The following COL24A1 variants were observed in gnomAD, a reference collection of about 807,000 sequenced individuals.
COL24A1 encodes the protein collagen alpha-1(XXIV) chain.
Under a neutral mutation model 253.9 loss-of-function variants are expected in COL24A1, and 224 were observed. The ratio of observed to expected loss-of-function variants is 0.88; its 90% confidence interval spans 0.79 to 0.99. The LOEUF (loss-of-function observed/expected upper bound fraction) is 0.99. COL24A1 is among the 50% of genes least tolerant of loss of function. The pLI, the probability that COL24A1 is intolerant of heterozygous loss-of-function variation, is 0.00. For missense variants in COL24A1, 2,131 were observed against 2,068.5 expected (o/e 1.03, Z -0.59); for synonymous variants, 685 against 673.7 (o/e 1.02, Z -0.26).
At chr1:85,761,712 A>G (rs1666868458) in intron 53 of COL24A1, 146 bp from the exon 54 acceptor site, 3 of 713,956 alleles carry the variant, frequency 4.2e-6, no homozygotes, top group Non-Finnish European at 7.3e-6. Context: ...CTAAAGTTAT[A>G]TGCTGTGGTA....
chr1:85,749,850 ATGAG>A (rs1424464770), intron 55 of COL24A1, among the ~76,000 whole-genome samples: 1 of 9,764 alleles, frequency 1.0e-4, no homozygotes. Context: ...ACAAAAAGAA[ATGAG>A]CAAAGCCTCC....
At chr1:85,764,667 G>A (rs1667184056) in intron 53 of COL24A1, among the ~76,000 whole-genome samples, 1 of 152,080 alleles carries the variant, frequency 6.6e-6, no homozygotes, top group South Asian at 2.1e-4. Context: ...TTGGACCTCA[G>A]ATATCTAAAT....
In COL24A1 at chr1:85,829,732, G is replaced by A. The variant is rs934156031; in HGVS notation, c.3682-5994C>T. Among the ~76,000 whole-genome samples, 13 of 152,102 alleles carry A rather than the reference G, an allele frequency of 8.5e-5. No homozygotes were observed. The South Asian group carries it at 1.0e-3, about 12-fold the overall frequency. ...GATCGCATGGCCTCCTGAGGCTTCTGCATTCTTCACGTAGTTCTCGAGCCT... is the reference window on the plus strand; with the variant it reads ...GATCGCATGGCCTCCTGAGGCTTCTACATTCTTCACGTAGTTCTCGAGCCT... On this transcript the variant is annotated intron_variant, in intron 43 of 59. Transcript: ENST00000370571.
intron 24 of COL24A1, among the ~76,000 whole-genome samples, chr1:85,927,181 C>A (rs1429587436): frequency 1.3e-5 from 2 of 152,180 alleles, no homozygotes; most frequent in African/African-American, 4.8e-5. Flanking sequence ...GGGTTCATCT[C>A]ACTAGGGAGT....
At chr1:85,868,706 A>G in intron 36 of COL24A1, 76 bp downstream of exon 36, 1 of 1,449,228 alleles carries the variant, frequency 6.9e-7, no homozygotes, top group Non-Finnish European at 9.5e-7. Flanking sequence ...TTTGTCACAC[A>G]AAAACAATGA....
chr1:86,116,123 T>C (rs1177958218), intron 3 of COL24A1, among the ~76,000 whole-genome samples: 1 of 152,208 alleles, frequency 6.6e-6, no homozygotes, highest in East Asian at 1.9e-4. Flanking sequence ...AATGCTCATT[T>C]GTGATATGGT....
chr1:86,066,231 C>CTTTTTTTTT (rs71078637), intron 7 of COL24A1, among the ~76,000 whole-genome samples: 2 of 85,540 alleles, frequency 2.3e-5, no homozygotes, highest in Admixed American at 1.6e-4. Flanking sequence ...CCTAAGTCTC[C>CTTTTTTTTT]TTTTTTTTTT....
intron 55 of COL24A1, among the ~76,000 whole-genome samples, chr1:85,759,987 A>C (rs1452542407): frequency 6.6e-6 from 1 of 152,186 alleles, no homozygotes; most frequent in Non-Finnish European, 1.5e-5. Context: ...TAATCCATGC[A>C]TTGTGGGGAT....
intron 20 of COL24A1, among the ~76,000 whole-genome samples, chr1:85,984,157 G>A (rs916220258): frequency 6.6e-6 from 1 of 151,772 alleles, no homozygotes; most frequent in Admixed American, 6.6e-5. Context: ...TAGGTCAGTT[G>A]GCTTTCTTCA....
chr1:85,806,330 A>C (rs1289134629), intron 47 of COL24A1, among the ~76,000 whole-genome samples: 1 of 152,204 alleles, frequency 6.6e-6, no homozygotes, highest in East Asian at 1.9e-4. Context: ...TGCCCACTAC[A>C]TATAAGAACA....
intron 24 of COL24A1, among the ~76,000 whole-genome samples, chr1:85,947,306 G>C (rs2103254479): frequency 6.6e-6 from 1 of 152,254 alleles, no homozygotes; most frequent in South Asian, 2.1e-4. Flanking sequence ...TGCCAGGAAT[G>C]TGTCAGATAA....
At chr1:86,073,189 G>T (rs892274782) in intron 7 of COL24A1, among the ~76,000 whole-genome samples, 2 of 152,142 alleles carry the variant, frequency 1.3e-5, no homozygotes, top group African/African-American at 4.8e-5. Flanking sequence ...AGCTAAAGGA[G>T]CATGTTCTAA....
At chr1:86,017,476 TTA>T (rs1427516825) in intron 18 of COL24A1, among the ~76,000 whole-genome samples, 1 of 152,166 alleles carries the variant, frequency 6.6e-6, no homozygotes, top group Non-Finnish European at 1.5e-5. Flanking sequence ...AATTGTATGT[TTA>T]TATGTGTTTC....
Position 86,112,445 on chromosome 1 carries a change from T to C in COL24A1, c.1599+122A>G, listed in dbSNP as rs998138893. 7.9e-6 allele frequency: 6 copies of C among 758,000 alleles called. No individual in the cohort carries two copies. In the African/African-American group the frequency reaches 1.0e-4, roughly 13 times the overall value. The allele number at this position is 758,000 out of a possible 1,614,324, so 47.0% of individuals were successfully genotyped here. A position where few individuals can be genotyped will look rare whatever the true frequency, so the allele number is the denominator to read the frequency against. ...ACAATCATGTTGAAGAATCATGCTC[T>C]GGAGGTGACAGAGATCCTTGATGTA... is the stretch of plus-strand genomic sequence containing the variant. On this transcript the variant is annotated intron_variant, in intron 5 of 59. Transcript: ENST00000370571.
intron 52 of COL24A1, among the ~76,000 whole-genome samples, chr1:85,777,439 TG>T (rs1207099065): frequency 6.6e-6 from 1 of 152,162 alleles, no homozygotes; most frequent in Non-Finnish European, 1.5e-5. Flanking sequence ...TACTCTTCTA[TG>T]CATCGCACTT....
intron 55 of COL24A1, among the ~76,000 whole-genome samples, chr1:85,755,732 G>C (rs1666169277): frequency 2.0e-5 from 3 of 152,024 alleles, no homozygotes; most frequent in African/African-American, 7.2e-5. Context: ...CTTACATCAT[G>C]AGTTATACCA....
rs1387879258 is a variant in COL24A1 at position 86,022,256 on chromosome 1, C to T, written c.2240G>A (p.Gly747Glu). Reference protein sequence around the residue: ...VGLPGPPGMRGKSGPSGQTGD... With the variant: ...VGLPGPPGMREKSGPSGQTGD... ...CAAACCTACTGAAGGCCCTGACTTT[C>T]CTCTCATCCCTGGTGGTCCTGGTAA... is the stretch of plus-strand genomic sequence containing the variant. Residue 747 changes from glycine (G) to glutamate (E), a missense_variant, in exon 18 of 60, where the codon GGA (glycine) becomes GAA (glutamate). By Grantham distance (98) the Gly-to-Glu change is moderately conservative (BLOSUM62 -2). Coordinates refer to ENST00000370571, the MANE Select transcript of COL24A1 (RefSeq NM_152890.7). 1.2e-6 allele frequency: 2 copies of T among 1,612,878 alleles called. No individual in the cohort carries two copies. Among genetic ancestry groups the T allele is most frequent in the African/African-American group, 2.7e-5 (2 of 74,864 alleles).
chr1:86,129,870 T>C (rs527585824), intron 2 of COL24A1, among the ~76,000 whole-genome samples: 1 of 151,948 alleles, frequency 6.6e-6, no homozygotes, highest in Non-Finnish European at 1.5e-5. Flanking sequence ...ATTTAATACA[T>C]ACCAGTTAGT....
At chr1:85,745,868 C>T (rs987694377) in intron 55 of COL24A1, among the ~76,000 whole-genome samples, 10 of 152,134 alleles carry the variant, frequency 6.6e-5, no homozygotes, top group South Asian at 4.1e-4. Context: ...GAATAAATAA[C>T]TGTAGCAATT....
Sources: allele counts gnomAD v4.1 joint callset (sites outside exome capture counted in the v4.1 genomes callset), GRCh38; gene constraint gnomAD v4.1.1; transcripts MANE v1.5; gene names NCBI Gene and HGNC (gene_info 2026-07-23, HGNC 2026-07-21).